Variants in HMBOX1 observed in about 807,000 individuals in gnomAD.
The protein encoded by HMBOX1 is homeobox containing 1, also known as homeobox-containing protein 1.
HMBOX1 carries 14 observed loss-of-function variants against 54.5 expected under a neutral mutation model. The ratio of observed to expected loss-of-function variants is 0.26; its 90% CI spans 0.17 to 0.40. HMBOX1 has a LOEUF of 0.40. Ranked by LOEUF, HMBOX1 falls within the 10% of genes least tolerant of loss-of-function variation. HMBOX1 has a pLI of 1.00. For missense variants in HMBOX1, 332 were observed against 514.4 expected (o/e 0.65, Z 3.43); for synonymous variants, 160 against 181.0 (o/e 0.88, Z 0.93).
intron 1 of HMBOX1, among the ~76,000 whole-genome samples, chr8:28,899,750 T>G (rs1812851330): frequency 6.6e-6 from 1 of 152,186 alleles, no homozygotes; most frequent in African/African-American, 2.4e-5. Flanking sequence ...AAGTCTTTAT[T>G]ATATTACCAA....
chr8:28,891,825 A>T (rs1811052428), intron 1 of HMBOX1: 1 of 152,316 alleles, frequency 6.6e-6, no homozygotes, highest in Non-Finnish European at 1.5e-5. Context: ...GGCATTAAAG[A>T]TAACACTATG....
intron 4 of HMBOX1, among the ~76,000 whole-genome samples, chr8:28,988,127 C>G (rs1830427261): frequency 6.6e-6 from 1 of 152,176 alleles, no homozygotes; most frequent in Admixed American, 6.5e-5. Flanking sequence ...ATCTGCATTC[C>G]TTCACTATTG....
Position 28,896,176 on chromosome 8 carries a change from T to C in HMBOX1, c.-58+5498T>C, listed in dbSNP as rs142240292. On this transcript the variant is annotated intron_variant, in intron 1 of 9. Coordinates refer to ENST00000287701, the MANE Select transcript of HMBOX1 (RefSeq NM_001135726.3). ...AAATAGTACCTACTTCATAGGATTA[T>C]TGTGAGCCCTTGAAGTGCTGGCAAG... Among the ~76,000 whole-genome samples, 24 of 152,360 alleles carry C rather than the reference T, an allele frequency of 1.6e-4. No homozygotes were observed. In the East Asian group the frequency reaches 4.4e-3, roughly 28 times the overall value.
chr8:28,965,369 C>A (rs1230215065), intron 2 of HMBOX1, among the ~76,000 whole-genome samples: 1 of 152,124 alleles, frequency 6.6e-6, no homozygotes, highest in Non-Finnish European at 1.5e-5. Flanking sequence ...GTGTTTATTG[C>A]CATACAAAGA....
chr8:28,961,901 T>G (rs1216081706), intron 1 of HMBOX1, among the ~76,000 whole-genome samples: 19 of 140,982 alleles, frequency 1.3e-4, no homozygotes, highest in Admixed American at 7.2e-4. Context: ...TTTATTTTTT[T>G]TTTTTTTTTT....
At chr8:28,928,515 G>C (rs1818939508) in intron 1 of HMBOX1, among the ~76,000 whole-genome samples, 2 of 152,272 alleles carry the variant, frequency 1.3e-5, no homozygotes, top group African/African-American at 4.8e-5. Flanking sequence ...AATCCCACTT[G>C]TGGTTATATA....
intron 3 of HMBOX1, among the ~76,000 whole-genome samples, chr8:28,976,472 G>A (rs183340394): frequency 5.3e-5 from 8 of 152,074 alleles, no homozygotes; most frequent in African/African-American, 9.6e-5. Context: ...TGCAGCATCC[G>A]CCTTCTGGTT....
At chr8:28,943,375 T>C (rs1188502395) in intron 1 of HMBOX1, among the ~76,000 whole-genome samples, 1 of 152,162 alleles carries the variant, frequency 6.6e-6, no homozygotes, top group East Asian at 1.9e-4. Context: ...CAAAGGGATT[T>C]GGGCTAGAGC....
chr8:28,901,066 A>G (rs1018213932), intron 1 of HMBOX1, among the ~76,000 whole-genome samples: 2 of 152,192 alleles, frequency 1.3e-5, no homozygotes, highest in Non-Finnish European at 1.5e-5. Flanking sequence ...TTATTCATAT[A>G]CATAATAGGA....
At chr8:28,920,156 A>G (rs1817300167) in intron 1 of HMBOX1, among the ~76,000 whole-genome samples, 2 of 152,172 alleles carry the variant, frequency 1.3e-5, no homozygotes, top group Non-Finnish European at 2.9e-5. Flanking sequence ...TCAAATTTAT[A>G]TGTTAACCTT....
At chr8:28,943,870 C>G (rs1183357160) in intron 1 of HMBOX1, among the ~76,000 whole-genome samples, 4 of 152,174 alleles carry the variant, frequency 2.6e-5, no homozygotes, top group Non-Finnish European at 5.9e-5. Context: ...AGATGCTGCA[C>G]TTCTTCTGTA....
At chr8:28,913,628 G>A (rs1026468269) in intron 1 of HMBOX1, among the ~76,000 whole-genome samples, 4 of 152,154 alleles carry the variant, frequency 2.6e-5, no homozygotes, top group Non-Finnish European at 5.9e-5. Context: ...ACTGTAAACT[G>A]CATAGGGTTA....
rs578256820 is a variant in HMBOX1, at chr8:28,941,350, A to G, written c.-57-22461A>G. On this transcript the variant is annotated intron_variant, in intron 1 of 9. Coordinates refer to ENST00000287701, the MANE Select transcript of HMBOX1 (RefSeq NM_001135726.3). Reference sequence around the variant, plus strand: ...AGATGTCCTCAATTTAAAAAACAAAATAACTCTATATTGGGTCATTACATA... The same window carrying G: ...AGATGTCCTCAATTTAAAAAACAAAGTAACTCTATATTGGGTCATTACATA... 2.6e-5 allele frequency among the ~76,000 whole-genome samples: 4 copies of G among 152,348 alleles called. No homozygotes were observed. In the South Asian group the frequency reaches 8.3e-4, roughly 32 times the overall value.
At chr8:28,932,683 A>G (rs571489188) in intron 1 of HMBOX1, among the ~76,000 whole-genome samples, 65 of 152,284 alleles carry the variant, frequency 4.3e-4, no homozygotes, top group African/African-American at 1.5e-3. Flanking sequence ...AAACTACATG[A>G]CTTAAAACAA....
chr8:28,989,934 C>G lies in HMBOX1; in HGVS notation c.586+9778C>G, dbSNP rs555981853. Among the ~76,000 whole-genome samples, 6 of 152,236 alleles carry G rather than the reference C, an allele frequency of 3.9e-5. No homozygotes were observed. The South Asian group carries it at 1.2e-3, about 32-fold the overall frequency. On this transcript the variant is annotated intron_variant, in intron 4 of 9. Coordinates refer to ENST00000287701, the MANE Select transcript of HMBOX1 (RefSeq NM_001135726.3). Reference sequence around the variant, plus strand: ...CGTTTTGTACACATAAAATTCCTCTCTAAATATTTTATATTTTTATTGCTA... The same window carrying G: ...CGTTTTGTACACATAAAATTCCTCTGTAAATATTTTATATTTTTATTGCTA...
Position 29,030,633 on chromosome 8 carries a change from G to A in HMBOX1, c.851+11720G>A, listed in dbSNP as rs369254188. 1.2e-4 allele frequency among the ~76,000 whole-genome samples: 19 copies of A among 152,208 alleles called. No homozygotes were observed. The East Asian group carries it at 2.5e-3, about 20-fold the overall frequency. The stretch of plus-strand genomic sequence containing the variant: ...ATTCTAAATAATTTCCTGTTTTTGC[G>A]TAGAGCCTTTGTTTTCTCTGAGATT... On this transcript the variant is annotated intron_variant, in intron 6 of 9. Transcript: ENST00000287701.
intron 1 of HMBOX1, among the ~76,000 whole-genome samples, chr8:28,905,399 A>G (rs1358905329): frequency 6.6e-6 from 1 of 152,246 alleles, no homozygotes; most frequent in Non-Finnish European, 1.5e-5. Flanking sequence ...AAGCAAAAAC[A>G]AAAAGCCTAA....
intron 3 of HMBOX1, among the ~76,000 whole-genome samples, chr8:28,973,803 G>GTTTTTTGTTTT (rs1827849651): frequency 1.4e-5 from 1 of 72,618 alleles, no homozygotes; most frequent in Non-Finnish European, 2.6e-5. Flanking sequence ...ACATAATGGA[G>GTTTTTTGTTTT]TTTTTTTTTT....
intron 1 of HMBOX1, among the ~76,000 whole-genome samples, chr8:28,937,098 A>G (rs1820541401): frequency 6.6e-6 from 1 of 152,144 alleles, no homozygotes; most frequent in African/African-American, 2.4e-5. Flanking sequence ...ACCGGAAGGA[A>G]GATGTGAGAT....
Sources: allele counts gnomAD v4.1 joint callset (sites outside exome capture counted in the v4.1 genomes callset), GRCh38; gene constraint gnomAD v4.1.1; transcripts MANE v1.5; gene names NCBI Gene and HGNC (gene_info 2026-07-23, HGNC 2026-07-21).